Variants in NOL3 observed in about 807,000 individuals in gnomAD.
The protein encoded by NOL3 is nucleolar protein 3.
NOL3 carries 18 observed loss-of-function variants against 19.2 expected under a neutral mutation model. The ratio of observed to expected loss-of-function variants is 0.94; its 90% CI spans 0.65 to 1.39. The LOEUF is 1.39. Among genes scored for constraint, NOL3 ranks in the 40% most tolerant of loss-of-function variants. NOL3 has a pLI of 0.00. For synonymous variants in NOL3, 127 were observed against 137.3 expected (o/e 0.93, Z 0.52); for missense variants, 290 against 289.5 (o/e 1.00, Z -0.01).
chr16:67,174,497 A>AG (rs969765396), intron 2 of NOL3, 33 bp downstream of exon 2: 2 of 1,470,864 alleles, frequency 1.4e-6, no homozygotes, highest in African/African-American at 2.8e-5. Flanking sequence ...AGGGCAGAGC[A>AG]GGGACGGGGC....
At chr16:67,174,355 G>A (rs1212624745) in exon 2 of NOL3, 2 of 1,585,540 alleles carry the variant, frequency 1.3e-6, no homozygotes, top group Non-Finnish European at 1.7e-6. Context: ...GCCGCCTACT[G>A]CTGCTGGTGC....
exon 2 of NOL3, chr16:67,174,276 C>A (rs747596951): frequency 1.2e-6 from 2 of 1,611,884 alleles, no homozygotes; most frequent in Non-Finnish European, 1.7e-6. Context: ...GCGCTGCTGG[C>A]GCGGGGCGTG....
intron 2 of NOL3, 62 bp downstream of exon 2, chr16:67,174,526 C>T (rs2032016559): frequency 6.8e-7 from 1 of 1,470,650 alleles, no homozygotes; most frequent in African/African-American, 1.4e-5. Context: ...ACAAAAGGCC[C>T]GGGGAGGGCA....
At chr16:67,174,966 G>A in intron 3 of NOL3, 22 bp downstream of exon 3, 1 of 1,609,574 alleles carries the variant, frequency 6.2e-7, no homozygotes, top group Non-Finnish European at 8.5e-7. Context: ...CCCAAACCCT[G>A]AGCCGGCTTG....
exon 4 of NOL3, chr16:67,175,469 T>G: frequency 2.1e-6 from 1 of 469,644 alleles, no homozygotes; most frequent in Non-Finnish European, 2.9e-6. Context: ...CGCAAGTTCC[T>G]GAGCTGAACA....
chr16:67,175,327 T>C (rs1422643199), exon 4 of NOL3: 10 of 1,359,628 alleles, frequency 7.4e-6, no homozygotes, highest in Non-Finnish European at 9.4e-6. Context: ...CCCTTAGGAG[T>C]CCAGGCTGCA....
exon 3 of NOL3, chr16:67,174,910 C>A (rs751328218): frequency 6.2e-7 from 1 of 1,613,262 alleles, no homozygotes; most frequent in South Asian, 1.1e-5. Context: ...ACCCAGAGCC[C>A]GAGCCCGACT....
intron 1 of NOL3, chr16:67,173,952 A>T: frequency 6.5e-7 from 1 of 1,536,798 alleles, no homozygotes. Context: ...AGGAGGAGAC[A>T]GGACAGAGCG....
Position 67,175,029 on chromosome 16 carries a change from T to G in NOL3, c.620-18T>G, listed in dbSNP as rs769160951. 4.2e-5 allele frequency: 67 copies of G among 1,613,900 alleles called. No individual in the cohort carries two copies. The Admixed American group carries it at 1.1e-3, about 26-fold the overall frequency. ...TGCCGGACCCCACCTCTTTGACCAC[T>G]GTTCCCGTCATCTCTAGATTCCTGA... On this transcript the variant is annotated intron_variant, in intron 3 of 3. Coordinates refer to ENST00000268605, the Ensembl canonical transcript of NOL3.
chr16:67,173,783 T>A (rs2031916111), intron 1 of NOL3: 1 of 1,263,256 alleles, frequency 7.9e-7, no homozygotes, highest in Non-Finnish European at 1.1e-6. Context: ...AGACCTTAGT[T>A]TGGATAAACG....
chr16:67,174,020 C>T (rs753822202), intron 1 of NOL3, 142 bp from the exon 2 acceptor site: 3 of 1,546,082 alleles, frequency 1.9e-6, no homozygotes, highest in South Asian at 2.4e-5. Flanking sequence ...CCTGTGCTTG[C>T]GGAGCCGTCC....
intron 1 of NOL3, chr16:67,172,058 A>G (rs1480138709): frequency 6.6e-6 from 1 of 152,268 alleles, no homozygotes; most frequent in Non-Finnish European, 1.5e-5. Context: ...GATGGCGGCT[A>G]GGACTAAATC....
exon 4 of NOL3, chr16:67,175,141 C>G (rs1327607869): frequency 4.3e-6 from 7 of 1,611,224 alleles, no homozygotes; most frequent in Non-Finnish European, 5.9e-6. Flanking sequence ...CACCAAGGCT[C>G]GGTCCAGCCC....
chr16:67,173,765 T>G (rs1209873818), intron 1 of NOL3: 1 of 1,073,110 alleles, frequency 9.3e-7, no homozygotes, highest in Non-Finnish European at 1.3e-6. Flanking sequence ...GAAGCAGATT[T>G]GAGAGAAAGA....
rs1376469068 is a variant in NOL3, at chr16:67,174,792, A to G, written c.467A>G (p.Glu156Gly). 3.1e-6 allele frequency: 5 copies of G among 1,606,256 alleles called. No homozygotes were observed. In the African/African-American group the frequency reaches 5.3e-5, roughly 17 times the overall value. ...GGGACCCCGGAGGAGCCAGAGCCAG[A>G]GCTGGAAGCTGAGGCCTCTAAAGAG... is the stretch of plus-strand genomic sequence containing the variant. The change falls in exon 3 of 4, where the codon GAG (glutamate) becomes GGG (glycine). Residue 156 changes from glutamate (E) to glycine (G), a missense_variant. Around this residue, in one of 3 missense-constraint regions of NOL3, gnomAD observed 123 missense variants for 107.0 expected, o/e 1.15. Coordinates refer to ENST00000268605, the Ensembl canonical transcript of NOL3.
At chr16:67,172,176 G>A (rs2031802235) in intron 1 of NOL3, among the ~76,000 whole-genome samples, 1 of 151,746 alleles carries the variant, frequency 6.6e-6, no homozygotes, top group African/African-American at 2.4e-5. Context: ...AGCCAAGGCG[G>A]GGAGGAGAAG....
In NOL3 at chr16:67,174,899, G is replaced by T. The variant is rs763565572; in HGVS notation, c.574G>T (p.Asp192Tyr). Reference sequence around the variant, plus strand: ...AGAGCCGGAACTGGAGCCAGAACCGGACCCAGAGCCCGAGCCCGACTTCGA... The same window carrying T: ...AGAGCCGGAACTGGAGCCAGAACCGTACCCAGAGCCCGAGCCCGACTTCGA... The change falls in exon 3 of 4, where the codon GAC (aspartate) becomes TAC (tyrosine). Residue 192 changes from aspartate (D) to tyrosine (Y), a missense_variant. Coordinates refer to ENST00000268605, the Ensembl canonical transcript of NOL3. 8.1e-6 allele frequency: 13 copies of T among 1,613,840 alleles called. 1 individual carries two copies. Among genetic ancestry groups the T allele is most frequent in the Non-Finnish European group, 1.0e-5 (12 of 1,179,808 alleles).
In NOL3 at chr16:67,173,940, TGAG is replaced by T. The variant is rs1343591631; in HGVS notation, c.-8-215_-8-213del. 48 of 1,536,284 alleles carry T rather than the reference TGAG, an allele frequency of 3.1e-5. No homozygotes were observed. The African/African-American group carries it at 5.1e-4, about 16-fold the overall frequency. On this transcript the variant is annotated intron_variant, in intron 1 of 3. Transcript: ENST00000268605. ...ACGCTTGGGGACAGAAGGAGGAGCC[TGAG>T]GAGGAGACAGGACAGAGCGTCTGGA...
chr16:67,175,071 A>G, exon 4 of NOL3: 2 of 1,614,250 alleles, frequency 1.2e-6, no homozygotes, highest in Non-Finnish European at 1.7e-6. Flanking sequence ...GAGCTCTGAC[A>G]GGCGGTGCCC....
Sources: allele counts gnomAD v4.1 joint callset (sites outside exome capture counted in the v4.1 genomes callset), GRCh38; gene constraint gnomAD v4.1.1; regional missense constraint gnomAD v4.1.1; transcripts MANE v1.5; gene names NCBI Gene and HGNC (gene_info 2026-07-23, HGNC 2026-07-21).